The following CDYL2 variants were observed in gnomAD, a reference collection of about 807,000 sequenced individuals.
CDYL2 encodes the protein chromodomain Y-like protein 2.
In CDYL2, 23 loss-of-function variants were observed where a neutral mutation model predicts 49.4. The ratio of observed to expected loss-of-function variants is 0.47; its 90% CI spans 0.34 to 0.66. The LOEUF (loss-of-function observed/expected upper bound fraction) is 0.66. Among genes scored for constraint, CDYL2 ranks in the 30% least tolerant of loss-of-function variants. The pLI, the probability that CDYL2 is intolerant of heterozygous loss-of-function variation, is 0.01. For synonymous variants in CDYL2, 360 were observed against 268.8 expected (o/e 1.34, Z -3.32); for missense variants, 678 against 656.4 (o/e 1.03, Z -0.36).
At chr16:80,613,463 T>C (rs1018686874) in intron 4 of CDYL2, among the ~76,000 whole-genome samples, 3 of 152,190 alleles carry the variant, frequency 2.0e-5, no homozygotes, top group Admixed American at 2.0e-4. Context: ...GATGGTCTGA[T>C]TCTGAATTAC....
chr16:80,654,819 A>G (rs1203085333), intron 2 of CDYL2, among the ~76,000 whole-genome samples: 2 of 152,244 alleles, frequency 1.3e-5, no homozygotes, highest in Admixed American at 1.3e-4. Flanking sequence ...TTTGTCAAAC[A>G]TCAAGATGCA....
intron 2 of CDYL2, among the ~76,000 whole-genome samples, chr16:80,654,226 C>G (rs2142424473): frequency 6.6e-6 from 1 of 152,308 alleles, no homozygotes; most frequent in East Asian, 1.9e-4. Flanking sequence ...GACTCCGGAA[C>G]CCAACCAGAA....
At chr16:80,622,445 C>T (rs1404083160) in intron 3 of CDYL2, among the ~76,000 whole-genome samples, 8 of 152,010 alleles carry the variant, frequency 5.3e-5, no homozygotes, top group Admixed American at 5.2e-4. Context: ...CATTTGTTTT[C>T]TTCATTTATC....
intron 1 of CDYL2, among the ~76,000 whole-genome samples, chr16:80,799,155 T>C (rs1347213478): frequency 1.3e-5 from 2 of 152,132 alleles, no homozygotes; most frequent in African/African-American, 4.8e-5. Flanking sequence ...CTTTTGTAAC[T>C]ACCCCCAAAA....
At chr16:80,750,663 A>G (rs1196901378) in intron 1 of CDYL2, among the ~76,000 whole-genome samples, 1 of 82,422 alleles carries the variant, frequency 1.2e-5, no homozygotes, top group Non-Finnish European at 3.8e-5. Flanking sequence ...CAGAAATTAG[A>G]AAAAGTTGCC....
chr16:80,715,047 C>A (rs1904749701), intron 1 of CDYL2, among the ~76,000 whole-genome samples: 1 of 152,140 alleles, frequency 6.6e-6, no homozygotes, highest in African/African-American at 2.4e-5. Context: ...TAACTAAGCT[C>A]ATGCAAGTGA....
intron 2 of CDYL2, among the ~76,000 whole-genome samples, chr16:80,634,194 C>T (rs913198430): frequency 2.6e-5 from 4 of 152,128 alleles, no homozygotes; most frequent in Admixed American, 1.3e-4. Flanking sequence ...AAGACATATA[C>T]ACATATGTTT....
At chr16:80,705,377 T>A (rs1398947213) in intron 1 of CDYL2, among the ~76,000 whole-genome samples, 2 of 152,214 alleles carry the variant, frequency 1.3e-5, no homozygotes, top group Non-Finnish European at 2.9e-5. Flanking sequence ...CCTAATGTCA[T>A]CCAGATGCAA....
intron 6 of CDYL2, among the ~76,000 whole-genome samples, chr16:80,605,064 T>C (rs1172394134): frequency 6.6e-6 from 1 of 150,646 alleles, no homozygotes; most frequent in Non-Finnish European, 1.5e-5. Flanking sequence ...GCTATCACCT[T>C]CATAATCATT....
At chr16:80,727,336 A>G (rs113844005) in intron 1 of CDYL2, among the ~76,000 whole-genome samples, 5,063 of 152,332 alleles carry the variant, frequency 0.033, 160 homozygotes, top group African/African-American at 0.085. Flanking sequence ...AAGGGGTGAC[A>G]GACGGCACCT....
chr16:80,672,356 G>GAGAGAA (rs1178494966), intron 2 of CDYL2, among the ~76,000 whole-genome samples: 14 of 117,064 alleles, frequency 1.2e-4, no homozygotes, highest in Non-Finnish European at 1.1e-4. Flanking sequence ...CACACACAGA[G>GAGAGAA]AGAGAGAGAG....
At chr16:80,687,971 C>A (rs1910265562) in intron 1 of CDYL2, among the ~76,000 whole-genome samples, 1 of 152,206 alleles carries the variant, frequency 6.6e-6, no homozygotes, top group South Asian at 2.1e-4. Context: ...AAACAGTCAA[C>A]TCCTCCATGG....
chr16:80,738,557 G>A (rs1372534505), intron 1 of CDYL2: 1 of 152,242 alleles, frequency 6.6e-6, no homozygotes. Context: ...TTCCAGAATA[G>A]GCAAATCCAT....
intron 1 of CDYL2, among the ~76,000 whole-genome samples, chr16:80,799,126 G>C (rs1907851990): frequency 6.6e-6 from 1 of 151,762 alleles, no homozygotes; most frequent in Admixed American, 6.6e-5. Context: ...AACATGTGTA[G>C]AAAACAAACC....
chr16:80,696,335 TAGAAAAGCA>T (rs1217404765), intron 1 of CDYL2, among the ~76,000 whole-genome samples: 1 of 151,658 alleles, frequency 6.6e-6, no homozygotes, highest in African/African-American at 2.4e-5. Flanking sequence ...CTCAAGGAAC[TAGAAAAGCA>T]AGAAAAAACC....
At chr16:80,778,022 ATC>A (rs1039669625) in intron 1 of CDYL2, among the ~76,000 whole-genome samples, 28 of 152,066 alleles carry the variant, frequency 1.8e-4, no homozygotes, top group African/African-American at 6.8e-4. Context: ...TTTTAAAAAA[ATC>A]TGTTACTAAA....
At chr16:80,791,684 G>A (rs528476849) in intron 1 of CDYL2, among the ~76,000 whole-genome samples, 3 of 152,282 alleles carry the variant, frequency 2.0e-5, no homozygotes, top group Admixed American at 6.5e-5. Flanking sequence ...ATGATTAAAG[G>A]AGAGAGCACA....
At chr16:80,786,617 T>A (rs1436978964) in intron 1 of CDYL2, among the ~76,000 whole-genome samples, 1 of 152,200 alleles carries the variant, frequency 6.6e-6, no homozygotes, top group Admixed American at 6.5e-5. Context: ...TTACTGGGCA[T>A]ATACCCAAAG....
chr16:80,618,174 G>A (rs1906915310), intron 4 of CDYL2, among the ~76,000 whole-genome samples: 2 of 152,182 alleles, frequency 1.3e-5, no homozygotes, highest in Admixed American at 1.3e-4. Context: ...CTGCCTAAGG[G>A]GAGCTCACTT....
Sources: gnomAD v4.1 joint callset for allele counts (sites outside exome capture counted in the v4.1 genomes callset) on GRCh38, gnomAD v4.1.1 for gene constraint, MANE v1.5 for transcripts, NCBI Gene and HGNC (gene_info 2026-07-23, HGNC 2026-07-21) for gene names.